Variants in PCDHGA6 observed in about 807,000 individuals in gnomAD.
PCDHGA6 encodes the protein protocadherin gamma-A6.
In PCDHGA6, 41 loss-of-function variants were observed where a neutral mutation model predicts 60.6. The observed-to-expected ratio is 0.68, with a 90% CI of 0.53 to 0.88. PCDHGA6 has a LOEUF of 0.88. Ranked by LOEUF, PCDHGA6 falls within the 40% of genes least tolerant of loss-of-function variation. The pLI, the probability that PCDHGA6 is intolerant of heterozygous loss-of-function variation, is 0.00. For missense variants in PCDHGA6, 1,312 were observed against 1,203.0 expected (o/e 1.09, Z -1.34); for synonymous variants, 594 against 524.4 (o/e 1.13, Z -1.81).
chr5:141,414,690 G>A (rs377704657), intron 1 of PCDHGA6: 53 of 1,613,888 alleles, frequency 3.3e-5, no homozygotes, highest in Middle Eastern at 1.6e-4. Flanking sequence ...GGGTACCTCT[G>A]TCCTCATACA....
At chr5:141,406,044 G>A (rs1473314165) in intron 1 of PCDHGA6, among the ~76,000 whole-genome samples, 1 of 151,228 alleles carries the variant, frequency 6.6e-6, no homozygotes, top group Non-Finnish European at 1.5e-5. Flanking sequence ...ATTGGTTGCA[G>A]TGGACTCATA....
chr5:141,403,429 T>C (rs1282528901), intron 1 of PCDHGA6: 2 of 1,614,006 alleles, frequency 1.2e-6, no homozygotes, highest in Non-Finnish European at 1.7e-6. Flanking sequence ...AAGCTATTGA[T>C]CCGGATGTTG....
chr5:141,405,410 TTTTTGTTTTTTG>T lies in PCDHGA6; in HGVS notation c.2424+28913_2424+28924del, dbSNP rs1345529499. 4 of 1,557,296 alleles carry T rather than the reference TTTTTGTTTTTTG, an allele frequency of 2.6e-6. No individual in the cohort carries two copies. In the South Asian group the frequency reaches 4.6e-5, roughly 18 times the overall value. ...ATTTTTTTTCTTTCTTTCTTTTCTT[TTTTTGTTTTTTG>T]TTTTGTTTTGTTTTTGAGACAGAGT... On this transcript the variant is annotated intron_variant, in intron 1 of 3. Transcript: ENST00000517434.
intron 1 of PCDHGA6, chr5:141,383,737 T>TC: frequency 6.2e-7 from 1 of 1,613,998 alleles, no homozygotes; most frequent in Non-Finnish European, 8.5e-7. Flanking sequence ...AGTGACATAT[T>TC]CTTTTCGGAA....
rs2097424370 is a variant in PCDHGA6, at chr5:141,431,859, C to G, written c.2424+55352C>G. On this transcript the variant is annotated intron_variant, in intron 1 of 3. Coordinates refer to ENST00000517434, the MANE Select transcript of PCDHGA6 (RefSeq NM_018919.3). The surrounding 1 kb of genome is among the most constrained non-coding windows in gnomAD (Gnocchi z 4.8). ...AACTCTCCCAGAGGGACATTAATTG[C>G]CCTTTTAAATGTAAATGACCAAGAT... is the stretch of plus-strand genomic sequence containing the variant. The G allele has an allele frequency of 1.2e-6, 2 of 1,614,060 alleles. No individual in the cohort carries two copies. Among genetic ancestry groups the G allele is most frequent in the Middle Eastern group, 3.3e-4 (2 of 6,084 alleles).
intron 1 of PCDHGA6, chr5:141,395,179 A>C: frequency 6.2e-7 from 1 of 1,614,164 alleles, no homozygotes; most frequent in South Asian, 1.1e-5. Flanking sequence ...GAGAAAAATG[A>C]TTCTTTGTTA....
chr5:141,427,928 G>A (rs1178662640), intron 1 of PCDHGA6: 2 of 1,583,504 alleles, frequency 1.3e-6, no homozygotes. Flanking sequence ...GCCGGCGCAT[G>A]TTGGTGGGCG....
Position 141,486,178 on chromosome 5 carries a change from C to T in PCDHGA6, c.2425-8629C>T, listed in dbSNP as rs767840363. The T allele has an allele frequency of 1.1e-5, 17 of 1,614,076 alleles. No homozygotes were observed. The highest frequency in any genetic ancestry group is 1.4e-5 in the Non-Finnish European group (16 of 1,180,038). ...CTCCAGCCATGGAGCAACATTGCAG[C>T]CTTCGAGTGGATCTGCTGGACGTAA... On this transcript the variant is annotated intron_variant, in intron 1 of 3. Coordinates refer to ENST00000517434, the MANE Select transcript of PCDHGA6 (RefSeq NM_018919.3). The surrounding 1 kb of genome is among the most constrained non-coding windows in gnomAD (Gnocchi z 5.0).
chr5:141,476,016 G>A lies in PCDHGA6; in HGVS notation c.2425-18791G>A. 7.4e-7 allele frequency: 1 copy of A among 1,359,386 alleles called. No individual in the cohort carries two copies. 84.2% of individuals were successfully genotyped at this position (1,359,386 alleles called of 1,614,324 possible). A position where few individuals can be genotyped will look rare whatever the true frequency, so the allele number is the denominator to read the frequency against. On this transcript the variant is annotated intron_variant, in intron 1 of 3. Coordinates refer to ENST00000517434, the MANE Select transcript of PCDHGA6 (RefSeq NM_018919.3). This position sits in a 1 kb window ranked among gnomAD's most constrained non-coding sequence, Gnocchi z 7.6. ...TCAACGGCATCCAGAAAGCCATGTC[G>A]GACTCGGCGCCCAGCGCCCAAGCGC...
At chr5:141,414,639 T>A in intron 1 of PCDHGA6, 1 of 1,613,966 alleles carries the variant, frequency 6.2e-7, no homozygotes, top group South Asian at 1.1e-5. Context: ...GCAAAGAGAA[T>A]GCCCAGATTA....
chr5:141,434,852 A>G (rs1382212982), intron 1 of PCDHGA6, among the ~76,000 whole-genome samples: 2 of 151,990 alleles, frequency 1.3e-5, no homozygotes, highest in Non-Finnish European at 2.9e-5. Context: ...AGACATCAAT[A>G]AATTTATATA....
chr5:141,482,049 C>G (rs1456071625), intron 1 of PCDHGA6, among the ~76,000 whole-genome samples: 2 of 149,284 alleles, frequency 1.3e-5, no homozygotes, highest in Non-Finnish European at 3.0e-5. Context: ...CATGCTGTTG[C>G]ATTCCAGCCT....
intron 1 of PCDHGA6, chr5:141,390,051 A>C: frequency 6.2e-7 from 1 of 1,613,978 alleles, no homozygotes; most frequent in Non-Finnish European, 8.5e-7. Context: ...CGCCTCCTGG[A>C]GCTGCTTCCA....
intron 1 of PCDHGA6, chr5:141,410,640 G>T: frequency 1.3e-6 from 2 of 1,599,058 alleles, no homozygotes; most frequent in Non-Finnish European, 1.7e-6. Flanking sequence ...TCTTTTTTGT[G>T]TGTGATTTAT....
Position 141,486,427 on chromosome 5 carries a change from A to G in PCDHGA6, c.2425-8380A>G. On this transcript the variant is annotated intron_variant, in intron 1 of 3. Transcript: ENST00000517434. This position sits in a 1 kb window ranked among gnomAD's most constrained non-coding sequence, Gnocchi z 5.0. ...CTGGACCCTTGGATCGAGAGGCCAA[A>G]TCTAGCTATGACATCATGGTCACTG... The G allele has an allele frequency of 6.2e-7, 1 of 1,614,160 alleles. No homozygotes were observed. Among genetic ancestry groups the G allele is most frequent in the Non-Finnish European group, 8.5e-7 (1 of 1,180,016 alleles).
At chr5:141,408,078 C>G in intron 1 of PCDHGA6, 1 of 1,407,992 alleles carries the variant, frequency 7.1e-7, no homozygotes, top group Non-Finnish European at 9.4e-7. Context: ...CCTTTCCCAG[C>G]ACAGCGGATT....
chr5:141,392,735 C>G, intron 1 of PCDHGA6: 1 of 1,428,540 alleles, frequency 7.0e-7, no homozygotes, highest in South Asian at 1.5e-5. Context: ...ATTGTCATCT[C>G]CATAGCTGCG....
At chr5:141,377,523 G>C (rs937581595) in intron 1 of PCDHGA6, 1 of 151,990 alleles carries the variant, frequency 6.6e-6, no homozygotes, top group Non-Finnish European at 1.5e-5. Flanking sequence ...TTAAGTCCAG[G>C]GGTATGAGGC....
intron 1 of PCDHGA6, chr5:141,422,543 T>A: frequency 3.1e-6 from 5 of 1,614,000 alleles, no homozygotes; most frequent in Non-Finnish European, 4.2e-6. Flanking sequence ...GAAACTCATG[T>A]CTGGCTGAAT....
Sources: allele counts gnomAD v4.1 joint callset (sites outside exome capture counted in the v4.1 genomes callset), GRCh38; gene constraint gnomAD v4.1.1; non-coding constraint Gnocchi (gnomAD v3.1); transcripts MANE v1.5; gene names NCBI Gene and HGNC (gene_info 2026-07-23, HGNC 2026-07-21).